Variants in GRID2 observed in about 807,000 individuals in gnomAD.
The protein encoded by GRID2 is glutamate ionotropic receptor delta type subunit 2.
In GRID2, 33 loss-of-function variants were observed where a neutral mutation model predicts 114.8. That is an observed-to-expected ratio of 0.29 (90% confidence interval 0.22 to 0.38). The LOEUF (loss-of-function observed/expected upper bound fraction) is 0.38, where lower values mean the gene tolerates loss of function less well. Among genes scored for constraint, GRID2 ranks in the 10% least tolerant of loss-of-function variants. The pLI is 1.00. For synonymous variants in GRID2, 505 were observed against 449.9 expected (o/e 1.12, Z -1.55); for missense variants, 1,184 against 1,257.7 (o/e 0.94, Z 0.89).
intron 1 of GRID2, among the ~76,000 whole-genome samples, chr4:92,378,414 G>A (rs1202932326): frequency 2.0e-5 from 3 of 151,994 alleles, no homozygotes; most frequent in Non-Finnish European, 4.4e-5. Context: ...TTTAAGGATT[G>A]TATTTAATGA....
chr4:92,792,088 A>G (rs900158651), intron 2 of GRID2, among the ~76,000 whole-genome samples: 4 of 151,850 alleles, frequency 2.6e-5, no homozygotes, highest in Non-Finnish European at 4.4e-5. Flanking sequence ...CTTGGTGACC[A>G]AGAGCCTCTT....
intron 2 of GRID2, among the ~76,000 whole-genome samples, chr4:93,076,783 A>C (rs561005988): frequency 7.2e-5 from 11 of 151,798 alleles, no homozygotes; most frequent in African/African-American, 2.4e-4. Flanking sequence ...ATTCCCGGCT[A>C]ATTTTTGTAT....
chr4:93,380,439 A>C (rs763321653), intron 8 of GRID2, among the ~76,000 whole-genome samples: 7 of 150,864 alleles, frequency 4.6e-5, no homozygotes, highest in Admixed American at 1.3e-4. Flanking sequence ...ACTTTGGGGC[A>C]GTTTGTTATG....
At chr4:92,999,618 A>G (rs1755415049) in intron 2 of GRID2, among the ~76,000 whole-genome samples, 1 of 151,800 alleles carries the variant, frequency 6.6e-6, no homozygotes, top group Non-Finnish European at 1.5e-5. Context: ...GTTGAATGCA[A>G]AATGAGTTAT....
At chr4:92,791,740 A>G (rs942116822) in intron 2 of GRID2, among the ~76,000 whole-genome samples, 8 of 151,886 alleles carry the variant, frequency 5.3e-5, no homozygotes, top group Non-Finnish European at 8.8e-5. Context: ...TGAGATATGC[A>G]ATCAATACCC....
intron 2 of GRID2, among the ~76,000 whole-genome samples, chr4:92,905,835 A>C (rs568589004): frequency 6.8e-6 from 1 of 148,028 alleles, no homozygotes; most frequent in African/African-American, 2.6e-5. Context: ...AGTTTGCAAT[A>C]GAGATTTAAG....
At chr4:92,731,778 T>A (rs1208120037) in intron 2 of GRID2, among the ~76,000 whole-genome samples, 1 of 151,964 alleles carries the variant, frequency 6.6e-6, no homozygotes, top group Non-Finnish European at 1.5e-5. Flanking sequence ...AGACAATAGA[T>A]GAGTGCTTTC....
In GRID2 at chr4:93,660,711, T is replaced by C. The variant is rs2117704; in HGVS notation, c.2360+34276T>C. Among the ~76,000 whole-genome samples the C allele has an allele frequency of 4.4e-3, 667 of 152,272 alleles. 5 individuals carry two copies. The highest frequency in any genetic ancestry group is 0.016 in the African/African-American group (648 of 41,564). ...ACCAAGTTAGCCTGCCACAGTTTCA[T>C]AGATGCTAACAGAAGACTCAAGACT... On this transcript the variant is annotated intron_variant, in intron 14 of 15. Transcript: ENST00000282020.
At chr4:92,676,417 T>A (rs920549358) in intron 2 of GRID2, among the ~76,000 whole-genome samples, 1 of 151,972 alleles carries the variant, frequency 6.6e-6, no homozygotes, top group East Asian at 1.9e-4. Context: ...TCTGACCTCA[T>A]GATCTGCCTG....
At chr4:93,521,446 T>C (rs552715622) in intron 13 of GRID2, among the ~76,000 whole-genome samples, 174 of 152,194 alleles carry the variant, frequency 1.1e-3, no homozygotes, top group African/African-American at 4.1e-3. Flanking sequence ...AGAGAGTAAG[T>C]GGTGGTTTAA....
chr4:93,431,518 TC>T (rs1336045207), intron 10 of GRID2, among the ~76,000 whole-genome samples: 1 of 152,190 alleles, frequency 6.6e-6, no homozygotes, highest in Non-Finnish European at 1.5e-5. Context: ...TGCCAAATGT[TC>T]ACTAGATTGG....
intron 2 of GRID2, among the ~76,000 whole-genome samples, chr4:92,935,290 A>G (rs1349079857): frequency 2.7e-5 from 4 of 147,530 alleles, no homozygotes; most frequent in Admixed American, 7.3e-5. Flanking sequence ...AAAAAGGCTC[A>G]CTATCACTGG....
At chr4:92,501,175 T>C (rs1723664464) in intron 1 of GRID2, among the ~76,000 whole-genome samples, 1 of 152,170 alleles carries the variant, frequency 6.6e-6, no homozygotes, top group Non-Finnish European at 1.5e-5. Flanking sequence ...TTCAGAAGTA[T>C]ACTTTAATTG....
At chr4:92,744,813 T>G (rs564790405) in intron 2 of GRID2, among the ~76,000 whole-genome samples, 25 of 152,204 alleles carry the variant, frequency 1.6e-4, no homozygotes, top group Non-Finnish European at 2.5e-4. Flanking sequence ...TTGTAAATCG[T>G]TATTTATCTC....
At chr4:92,918,464 C>T (rs112621369) in intron 2 of GRID2, among the ~76,000 whole-genome samples, 2,268 of 152,102 alleles carry the variant, frequency 0.015, 20 homozygotes, top group East Asian at 0.053. Flanking sequence ...TTTTTGCCCA[C>T]TCAGTATGAT....
At chr4:93,544,472 C>T (rs6827075) in intron 13 of GRID2, among the ~76,000 whole-genome samples, 46,956 of 151,810 alleles carry the variant, frequency 0.31, 7,918 homozygotes, top group African/African-American at 0.43. Context: ...TAAATACTAC[C>T]TTCATTTTAG....
At chr4:92,481,955 C>T (rs915588639) in intron 1 of GRID2, among the ~76,000 whole-genome samples, 12 of 111,092 alleles carry the variant, frequency 1.1e-4, no homozygotes, top group Middle Eastern at 5.7e-3. Context: ...ATATGCCCAT[C>T]AGTGGTGGAC....
intron 2 of GRID2, among the ~76,000 whole-genome samples, chr4:92,844,902 C>T (rs181746674): frequency 1.1e-3 from 173 of 152,072 alleles, no homozygotes; most frequent in African/African-American, 4.1e-3. Flanking sequence ...TTAATAAGGA[C>T]ATTCTTAATG....
chr4:93,470,884 C>T (rs151171292), intron 11 of GRID2, among the ~76,000 whole-genome samples: 6 of 151,980 alleles, frequency 3.9e-5, no homozygotes, highest in Non-Finnish European at 7.4e-5. Flanking sequence ...TAAAATAGTA[C>T]ATTGTTATAT....
Sources: allele counts gnomAD v4.1 joint callset (sites outside exome capture counted in the v4.1 genomes callset), GRCh38; gene constraint gnomAD v4.1.1; transcripts MANE v1.5; gene names NCBI Gene and HGNC (gene_info 2026-07-23, HGNC 2026-07-21).